ERC2: variants seen among roughly 807,000 people sequenced by gnomAD.
ERC2 encodes ELKS/RAB6-interacting/CAST family member 2.
In ERC2, 42 loss-of-function variants were observed where a neutral mutation model predicts 114.8. That is an observed-to-expected ratio of 0.37 (90% CI 0.29 to 0.47). The LOEUF (loss-of-function observed/expected upper bound fraction) is 0.47. ERC2 is among the 20% of genes least tolerant of loss of function. The pLI, the probability that ERC2 is intolerant of heterozygous loss-of-function variation, is 0.99. For synonymous variants in ERC2, 454 were observed against 425.5 expected (o/e 1.07, Z -0.82); for missense variants, 939 against 1,150.7 (o/e 0.82, Z 2.66).
intron 13 of ERC2, among the ~76,000 whole-genome samples, chr3:55,900,012 G>T (rs2064046534): frequency 6.6e-6 from 1 of 152,176 alleles, no homozygotes; most frequent in South Asian, 2.1e-4. Flanking sequence ...TCTGGCGGCA[G>T]TTACAATGGC....
At chr3:56,425,666 T>C (rs186944727) in intron 2 of ERC2, among the ~76,000 whole-genome samples, 9 of 151,246 alleles carry the variant, frequency 6.0e-5, no homozygotes, top group Admixed American at 3.3e-4. Context: ...TTCATTTGAA[T>C]GTGTAAGGTC....
chr3:55,975,309 T>C (rs1157179478), intron 12 of ERC2, among the ~76,000 whole-genome samples: 3 of 152,226 alleles, frequency 2.0e-5, no homozygotes, highest in South Asian at 2.1e-4. Flanking sequence ...TAATTTCCTA[T>C]AGTTTCTTCC....
intron 9 of ERC2, among the ~76,000 whole-genome samples, chr3:56,008,632 G>C (rs560433815): frequency 6.6e-6 from 1 of 152,100 alleles, no homozygotes; most frequent in Non-Finnish European, 1.5e-5. Flanking sequence ...TAGTCAACTT[G>C]GCTAGGCTCT....
chr3:56,355,914 T>G (rs1389186917), intron 2 of ERC2, among the ~76,000 whole-genome samples: 1 of 152,200 alleles, frequency 6.6e-6, no homozygotes, highest in Non-Finnish European at 1.5e-5. Context: ...TGAATCAGAC[T>G]GGACAGGACC....
chr3:55,862,080 T>A (rs886931320), intron 14 of ERC2, among the ~76,000 whole-genome samples: 15 of 152,204 alleles, frequency 9.9e-5, no homozygotes, highest in African/African-American at 3.6e-4. Context: ...AGCTCCAATT[T>A]TTGATTACAT....
chr3:56,226,768 C>T (rs1375713769), intron 3 of ERC2, among the ~76,000 whole-genome samples: 3 of 152,220 alleles, frequency 2.0e-5, no homozygotes, highest in East Asian at 1.9e-4. Context: ...CTCTCTTCTC[C>T]GTCTTAACTC....
At chr3:55,755,212 A>G (rs545849129) in intron 14 of ERC2, among the ~76,000 whole-genome samples, 25 of 152,258 alleles carry the variant, frequency 1.6e-4, no homozygotes, top group African/African-American at 6.0e-4. Flanking sequence ...GTAAATATGG[A>G]AGCCTAGAAG....
intron 13 of ERC2, among the ~76,000 whole-genome samples, chr3:55,949,302 G>A (rs1404056545): frequency 6.6e-6 from 1 of 152,068 alleles, no homozygotes; most frequent in Non-Finnish European, 1.5e-5. Flanking sequence ...CCCGGGAGGT[G>A]GAGCTTGCAG....
chr3:56,447,167 C>T (rs2062614363), intron 1 of ERC2, among the ~76,000 whole-genome samples: 1 of 152,236 alleles, frequency 6.6e-6, no homozygotes, highest in African/African-American at 2.4e-5. Context: ...CCCCACATGG[C>T]ACACTGTGTC....
At chr3:55,651,179 AT>A (rs1407122126) in intron 17 of ERC2, among the ~76,000 whole-genome samples, 2 of 151,896 alleles carry the variant, frequency 1.3e-5, no homozygotes, top group Middle Eastern at 3.2e-3. Context: ...ATAGGATGTT[AT>A]ATGCCAGTCT....
intron 17 of ERC2, among the ~76,000 whole-genome samples, chr3:55,567,822 C>T (rs765887171): frequency 7.2e-5 from 11 of 152,120 alleles, no homozygotes; most frequent in East Asian, 1.9e-4. Flanking sequence ...GAGGTCACCA[C>T]GGTGATTAGT....
At chr3:56,044,839 G>A (rs2075378983) in intron 7 of ERC2, among the ~76,000 whole-genome samples, 1 of 152,128 alleles carries the variant, frequency 6.6e-6, no homozygotes, top group African/African-American at 2.4e-5. Flanking sequence ...CCAGAGGAAG[G>A]ACAGGGAGAT....
chr3:55,671,096 C>T (rs1012606455), intron 17 of ERC2, among the ~76,000 whole-genome samples: 3 of 152,148 alleles, frequency 2.0e-5, no homozygotes, highest in Non-Finnish European at 4.4e-5. Context: ...TCATGCATAT[C>T]ACCTATCTGT....
intron 6 of ERC2, among the ~76,000 whole-genome samples, chr3:56,126,937 C>T (rs1161911800): frequency 6.6e-6 from 1 of 151,852 alleles, no homozygotes; most frequent in Non-Finnish European, 1.5e-5. Flanking sequence ...AAACACTACA[C>T]TAAAAAACCC....
intron 2 of ERC2, among the ~76,000 whole-genome samples, chr3:56,358,593 C>T (rs1011936806): frequency 1.3e-5 from 2 of 152,202 alleles, no homozygotes; most frequent in East Asian, 3.8e-4. Context: ...TTCTAAAAGG[C>T]AATAACATCC....
intron 7 of ERC2, among the ~76,000 whole-genome samples, chr3:56,025,420 C>T (rs983200938): frequency 6.6e-6 from 1 of 152,214 alleles, no homozygotes; most frequent in African/African-American, 2.4e-5. Flanking sequence ...AAGTTCCCAT[C>T]TTGAATCTGG....
At position 55,808,740 on chromosome 3, in the gene ERC2, T is replaced by A. The variant is rs796431756; in HGVS notation, c.2565-73822A>T. ...ATATATATATATATATATATATATA[T>A]ATAACGTATAACTAAACATATATAT... On this transcript the variant is annotated intron_variant, in intron 14 of 17. Transcript: ENST00000288221. Among the ~76,000 whole-genome samples the A allele has an allele frequency of 9.5e-3, 786 of 82,708 alleles. 11 individuals carry two copies. Among genetic ancestry groups the A allele is most frequent in the East Asian group, 0.019 (49 of 2,556 alleles). The allele number at this position is 82,708 out of a possible 152,430, so 54.3% of individuals were successfully genotyped here.
At chr3:55,710,034 T>C (rs2063695447) in intron 15 of ERC2, among the ~76,000 whole-genome samples, 1 of 152,178 alleles carries the variant, frequency 6.6e-6, no homozygotes, top group South Asian at 2.1e-4. Context: ...TTGTTCCAAA[T>C]ACCAACTCTC....
intron 4 of ERC2, among the ~76,000 whole-genome samples, chr3:56,159,874 G>T (rs12631247): frequency 0.35 from 53,090 of 151,716 alleles, 10,286 homozygotes; most frequent in Middle Eastern, 0.46. Flanking sequence ...ATCCCATGGC[G>T]TATACATACT....
Sources: allele counts gnomAD v4.1 joint callset (sites outside exome capture counted in the v4.1 genomes callset), GRCh38; gene constraint gnomAD v4.1.1; transcripts MANE v1.5; gene names NCBI Gene and HGNC (gene_info 2026-07-23, HGNC 2026-07-21).